PTPRG: variants seen among roughly 807,000 people sequenced by gnomAD.
PTPRG encodes the protein receptor-type tyrosine-protein phosphatase gamma.
A neutral mutation model predicts 165.3 loss-of-function variants in PTPRG; 102 were observed. The observed-to-expected ratio is 0.62, with a 90% confidence interval of 0.53 to 0.73. The LOEUF (loss-of-function observed/expected upper bound fraction) is 0.73. Among genes scored for constraint, PTPRG ranks in the 30% least tolerant of loss-of-function variants. PTPRG has a pLI of 0.00. For synonymous variants in PTPRG, 675 were observed against 669.5 expected, an observed-to-expected ratio of 1.01 and a Z score of -0.13; for missense variants, 1,866 against 1,861.4, an observed-to-expected ratio of 1.00 and a Z score of -0.05.
At chr3:61,878,913 C>G (rs899097197) in intron 2 of PTPRG, among the ~76,000 whole-genome samples, 5 of 152,176 alleles carry the variant, frequency 3.3e-5, no homozygotes, top group African/African-American at 9.7e-5. Flanking sequence ...CATGGTTTTA[C>G]TAGTAAGGCG....
intron 7 of PTPRG, among the ~76,000 whole-genome samples, chr3:62,160,824 A>G (rs957169543): frequency 2.7e-5 from 4 of 149,466 alleles, no homozygotes; most frequent in Non-Finnish European, 4.4e-5. Context: ...GGCAATAAAT[A>G]AGTCTGACTG....
chr3:62,068,515 A>T (rs1701096400), intron 4 of PTPRG, among the ~76,000 whole-genome samples: 1 of 152,062 alleles, frequency 6.6e-6, no homozygotes, highest in South Asian at 2.1e-4. Context: ...TCACTGTGTC[A>T]CCCAGGTTGG....
intron 1 of PTPRG, among the ~76,000 whole-genome samples, chr3:61,593,929 C>G (rs1484714169): frequency 2.0e-5 from 3 of 151,950 alleles, no homozygotes; most frequent in Non-Finnish European, 4.4e-5. Context: ...CTCTTTTTTC[C>G]TTAATCACTT....
chr3:61,962,060 A>AG (rs1313154695), intron 2 of PTPRG, among the ~76,000 whole-genome samples: 3 of 152,052 alleles, frequency 2.0e-5, no homozygotes, highest in African/African-American at 7.2e-5. Context: ...TAAGGATTTT[A>AG]GGGTTGGGTT....
chr3:62,266,399 A>G (rs1271555802), intron 17 of PTPRG, among the ~76,000 whole-genome samples: 1 of 152,140 alleles, frequency 6.6e-6, no homozygotes, highest in African/African-American at 2.4e-5. Flanking sequence ...AAATTGATCT[A>G]TTAATGTCTT....
intron 2 of PTPRG, among the ~76,000 whole-genome samples, chr3:61,956,175 G>T (rs1034391122): frequency 6.6e-6 from 1 of 151,914 alleles, no homozygotes; most frequent in Non-Finnish European, 1.5e-5. Context: ...TTATCCTCCA[G>T]AGAGGACCAT....
At chr3:61,695,809 G>A (rs1269957670) in intron 1 of PTPRG, among the ~76,000 whole-genome samples, 2 of 152,072 alleles carry the variant, frequency 1.3e-5, no homozygotes, top group Non-Finnish European at 2.9e-5. Flanking sequence ...ACAATAGTTC[G>A]AATCAAGGAT....
intron 2 of PTPRG, among the ~76,000 whole-genome samples, chr3:61,960,472 C>G (rs1230194436): frequency 6.6e-6 from 1 of 152,138 alleles, no homozygotes; most frequent in African/African-American, 2.4e-5. Flanking sequence ...GGTGATTTTT[C>G]TGCATCATTT....
chr3:61,877,891 T>A (rs929049184), intron 2 of PTPRG, among the ~76,000 whole-genome samples: 1 of 152,236 alleles, frequency 6.6e-6, no homozygotes, highest in African/African-American at 2.4e-5. Flanking sequence ...AAGGCCAGCA[T>A]AATTACTCAG....
At chr3:61,906,077 A>G (rs1393653024) in intron 2 of PTPRG, among the ~76,000 whole-genome samples, 1 of 152,080 alleles carries the variant, frequency 6.6e-6, no homozygotes, top group Non-Finnish European at 1.5e-5. Flanking sequence ...GACATTATTA[A>G]AGTTGGAATG....
chr3:62,132,173 G>C (rs1703540353), intron 5 of PTPRG, among the ~76,000 whole-genome samples: 1 of 152,110 alleles, frequency 6.6e-6, no homozygotes, highest in Admixed American at 6.5e-5. Flanking sequence ...AGAATAGGCT[G>C]GCAGAAAACA....
At chr3:62,107,621 C>G (rs1259067917) in intron 5 of PTPRG, among the ~76,000 whole-genome samples, 1 of 152,164 alleles carries the variant, frequency 6.6e-6, no homozygotes, top group Non-Finnish European at 1.5e-5. Context: ...AGTTTCTTAA[C>G]TGATCTTGTA....
intron 2 of PTPRG, among the ~76,000 whole-genome samples, chr3:61,937,733 C>T (rs1388024874): frequency 2.0e-5 from 3 of 152,128 alleles, no homozygotes; most frequent in African/African-American, 4.8e-5. Flanking sequence ...TAACAGGTGA[C>T]GGCAAAAGGA....
At chr3:61,807,391 T>C (rs1266088799) in intron 2 of PTPRG, among the ~76,000 whole-genome samples, 1 of 152,200 alleles carries the variant, frequency 6.6e-6, no homozygotes, top group African/African-American at 2.4e-5. Context: ...GGCCAGCGTA[T>C]ATGGTATGCC....
At chr3:61,700,678 G>A (rs2030904637) in intron 1 of PTPRG, among the ~76,000 whole-genome samples, 1 of 152,150 alleles carries the variant, frequency 6.6e-6, no homozygotes, top group African/African-American at 2.4e-5. Context: ...AAAAACAACA[G>A]CAATGTCAAG....
chr3:61,601,725 G>C (rs946251027), intron 1 of PTPRG, among the ~76,000 whole-genome samples: 5 of 152,146 alleles, frequency 3.3e-5, no homozygotes, highest in African/African-American at 9.7e-5. Context: ...TTGTATTTTA[G>C]TGGGGGGAAA....
intron 2 of PTPRG, among the ~76,000 whole-genome samples, chr3:61,811,487 C>T (rs2035575101): frequency 6.6e-6 from 1 of 152,114 alleles, no homozygotes; most frequent in East Asian, 1.9e-4. Context: ...TGCTCTTTGG[C>T]CAGAAAACCA....
chr3:61,997,990 G>C (rs1467890877), intron 3 of PTPRG, among the ~76,000 whole-genome samples: 1 of 152,142 alleles, frequency 6.6e-6, no homozygotes, highest in African/African-American at 2.4e-5. Context: ...CGGTGCATCA[G>C]GGTAGGAGGA....
chr3:62,093,956 C>T (rs1344924970), intron 5 of PTPRG, among the ~76,000 whole-genome samples: 1 of 152,184 alleles, frequency 6.6e-6, no homozygotes, highest in African/African-American at 2.4e-5. Flanking sequence ...TTCTTACCTT[C>T]TCTCTTCCTT....
Sources: gnomAD v4.1 joint callset for allele counts (sites outside exome capture counted in the v4.1 genomes callset) on GRCh38, gnomAD v4.1.1 for gene constraint, MANE v1.5 for transcripts, NCBI Gene and HGNC (gene_info 2026-07-23, HGNC 2026-07-21) for gene names.